RNF212: variants seen among roughly 807,000 people sequenced by gnomAD.
The protein encoded by RNF212 is probable E3 SUMO-protein ligase RNF212.
Under a neutral mutation model 34.7 loss-of-function variants are expected in RNF212, and 33 were observed. The ratio of observed to expected loss-of-function variants is 0.95; its 90% confidence interval spans 0.72 to 1.27. The LOEUF is 1.27. RNF212 is among the 50% of genes most tolerant of loss of function. The pLI is 0.00. For missense variants in RNF212, 377 were observed against 362.2 expected (o/e 1.04, Z -0.33); for synonymous variants, 140 against 136.1 (o/e 1.03, Z -0.20).
intron 3 of RNF212, among the ~76,000 whole-genome samples, chr4:1,065,382 G>C (rs887452028): frequency 6.6e-6 from 1 of 152,206 alleles, no homozygotes; most frequent in East Asian, 1.9e-4. Context: ...TTTGTTTCAG[G>C]TTTAACCATC....
chr4:1,108,504 T>C (rs905833496), intron 1 of RNF212, 100 bp from the exon 2 acceptor site: 23 of 558,876 alleles, frequency 4.1e-5, no homozygotes, highest in Non-Finnish European at 4.8e-5. Context: ...ATAGGCAGGA[T>C]TGTATCACTT....
chr4:1,107,458 CTTT>C (rs750874171), intron 2 of RNF212: 3 of 143,626 alleles, frequency 2.1e-5, no homozygotes, highest in Non-Finnish European at 4.6e-5. Flanking sequence ...GGGACTTACA[CTTT>C]TTTTTTTTTT....
intron 8 of RNF212, 178 bp from the exon 9 acceptor site, chr4:1,073,840 G>A: frequency 1.6e-6 from 1 of 624,168 alleles, no homozygotes; most frequent in East Asian, 2.7e-5. Context: ...CTGCCTGCTG[G>A]TGGTAGAGGT....
chr4:1,089,219 T>C (rs1283580214), intron 4 of RNF212, among the ~76,000 whole-genome samples: 1 of 152,216 alleles, frequency 6.6e-6, no homozygotes, highest in African/African-American at 2.4e-5. Context: ...GGGGTGGAGT[T>C]GCCCAAGGCC....
intron 8 of RNF212, among the ~76,000 whole-genome samples, chr4:1,077,855 C>T (rs561270671): frequency 2.6e-5 from 4 of 152,304 alleles, no homozygotes; most frequent in South Asian, 4.1e-4. Context: ...CATAAGGAAG[C>T]GTGTCCCTCT....
chr4:1,084,726 C>CAAA (rs34470931), intron 5 of RNF212, among the ~76,000 whole-genome samples: 15 of 60,452 alleles, frequency 2.5e-4, no homozygotes, highest in East Asian at 1.4e-3. Context: ...GACCCTGTCT[C>CAAA]AAAAAAAAAA....
chr4:1,093,133 G>A (rs1268690325), intron 3 of RNF212, among the ~76,000 whole-genome samples: 1 of 152,162 alleles, frequency 6.6e-6, no homozygotes, highest in Non-Finnish European at 1.5e-5. Context: ...GCAGGCAGTG[G>A]CTGAGGTGGT....
Position 1,072,751 on chromosome 4 carries a change from A to C in RNF212, c.*123T>G. ...TACAAAGCAAATTGGGTAAAAGGTT[A>C]ATATCCTGCACACTGAGGGCTTCCA... is the stretch of plus-strand genomic sequence containing the variant. On this transcript the variant is annotated 3_prime_UTR_variant, in exon 10 of 10. Transcript: ENST00000433731. 6.9e-7 allele frequency: 1 copy of C among 1,441,296 alleles called. No homozygotes were observed. The highest frequency in any genetic ancestry group is 9.1e-7 in the Non-Finnish European group (1 of 1,100,230). 89.3% of individuals were successfully genotyped at this position (1,441,296 alleles called of 1,614,324 possible).
intron 2 of RNF212, among the ~76,000 whole-genome samples, chr4:1,106,574 A>C (rs1189487078): frequency 1.3e-5 from 2 of 152,238 alleles, no homozygotes; most frequent in Non-Finnish European, 2.9e-5. Flanking sequence ...CGGTACTCAA[A>C]ATGATACAGA....
At chr4:1,099,927 G>A (rs949637018) in intron 2 of RNF212, 2 of 453,826 alleles carry the variant, frequency 4.4e-6, no homozygotes, top group Non-Finnish European at 8.9e-6. Context: ...GGAAAGGGGC[G>A]CTGCAAAAGA....
chr4:1,077,918 C>G (rs1247812965), intron 8 of RNF212, among the ~76,000 whole-genome samples: 6 of 152,156 alleles, frequency 3.9e-5, no homozygotes, highest in Admixed American at 2.6e-4. Flanking sequence ...ATGAGGATGG[C>G]AGAGGTGAGC....
At chr4:1,113,650 T>G (rs1443463019), upstream of RNF212, 2 of 484,752 alleles carry the variant, frequency 4.1e-6, no homozygotes, top group African/African-American at 2.1e-5. Context: ...CCGCAGCACC[T>G]GGGAGGGCGC....
Position 1,058,405 on chromosome 4 carries a change from C to T in RNF212, n.148-12G>A. 4.1e-6 allele frequency: 4 copies of T among 978,212 alleles called. 1 individual carries two copies. Among genetic ancestry groups the T allele is most frequent in the Non-Finnish European group, 4.9e-6 (4 of 821,302 alleles). 60.6% of individuals were successfully genotyped at this position (978,212 alleles called of 1,614,324 possible). On this transcript the variant is annotated splice_polypyrimidine_tract_variant and intron_variant and non_coding_transcript_variant, in intron 3 of 4. Transcript: ENST00000503206. ...GGAGGAGACGCTGCCTGTGGTGGAACAAGAATAAAACATGAGTCGTTCATG... is the reference window on the plus strand; with the variant it reads ...GGAGGAGACGCTGCCTGTGGTGGAATAAGAATAAAACATGAGTCGTTCATG...
intron 3 of RNF212, chr4:1,093,627 T>C (rs1367258767): frequency 6.5e-7 from 1 of 1,535,854 alleles, no homozygotes; most frequent in Non-Finnish European, 8.7e-7. Flanking sequence ...TGCTGGGTCT[T>C]CTCTCCTGAG....
Position 1,073,598 on chromosome 4 carries a change from C to T in RNF212, c.574+1G>A. On this transcript the variant is annotated splice_donor_variant, in intron 9 of 9. Transcript: ENST00000433731. LOFTEE classifies it high-confidence loss of function. ...CTGAGGTTACAGGACATTTTACTTA[C>T]CCATTCGTCCATCTTGAGGTGGACT... The T allele has an allele frequency of 1.3e-6, 2 of 1,594,752 alleles. No homozygotes were observed. Among genetic ancestry groups the T allele is most frequent in the Non-Finnish European group, 1.7e-6 (2 of 1,162,498 alleles).
At chr4:1,075,066 G>A (rs1057236442) in intron 8 of RNF212, among the ~76,000 whole-genome samples, 1 of 152,242 alleles carries the variant, frequency 6.6e-6, no homozygotes, top group African/African-American at 2.4e-5. Flanking sequence ...TCCTGGTGCT[G>A]TCTGACAGCT....
At chr4:1,106,948 G>A (rs1219484976) in intron 2 of RNF212, among the ~76,000 whole-genome samples, 3 of 152,032 alleles carry the variant, frequency 2.0e-5, no homozygotes, top group African/African-American at 4.8e-5. Flanking sequence ...TTGAAACAGC[G>A]AAAAACCGAA....
chr4:1,066,333 CT>C (rs1414427186), intron 3 of RNF212, among the ~76,000 whole-genome samples: 3 of 152,000 alleles, frequency 2.0e-5, no homozygotes, highest in Admixed American at 6.6e-5. Flanking sequence ...CTGCCCTCCG[CT>C]TTTCTTTTTT....
rs112758484 is a variant in RNF212 at position 1,104,153 on chromosome 4, G to A, written c.171+4190C>T. Among the ~76,000 whole-genome samples the A allele has an allele frequency of 1.4e-3, 218 of 152,310 alleles. 1 individual carries two copies. The highest frequency in any genetic ancestry group is 4.9e-3 in the African/African-American group (204 of 41,564). On this transcript the variant is annotated intron_variant, in intron 2 of 9. Transcript: ENST00000433731. The stretch of plus-strand genomic sequence containing the variant: ...AATACCTAACAGAGATACTAACACT[G>A]TTGCACAAAGCCTCCCTAAAGAACA...
Sources: allele counts gnomAD v4.1 joint callset (sites outside exome capture counted in the v4.1 genomes callset), GRCh38; gene constraint gnomAD v4.1.1; transcripts MANE v1.5; gene names NCBI Gene and HGNC (gene_info 2026-07-23, HGNC 2026-07-21).